The following KLHL1 variants were observed in gnomAD, a reference collection of about 807,000 sequenced individuals.
The protein encoded by KLHL1 is kelch-like protein 1.
Under a neutral mutation model 77.7 loss-of-function variants are expected in KLHL1, and 47 were observed. The ratio of observed to expected loss-of-function variants is 0.60; its 90% CI spans 0.48 to 0.77. KLHL1 has a LOEUF of 0.77. Among genes scored for constraint, KLHL1 ranks in the 30% least tolerant of loss-of-function variants. KLHL1 has a pLI of 0.00. For missense variants in KLHL1, 925 were observed against 910.8 expected (o/e 1.02, Z -0.20); for synonymous variants, 360 against 325.2 (o/e 1.11, Z -1.15).
At chr13:69,742,566 A>G (rs1874030939) in intron 7 of KLHL1, among the ~76,000 whole-genome samples, 1 of 152,202 alleles carries the variant, frequency 6.6e-6, no homozygotes, top group African/African-American at 2.4e-5. Flanking sequence ...CTCTGCCCAC[A>G]GTGAGCTCCT....
At chr13:69,882,224 T>C in intron 5 of KLHL1, 59 bp downstream of exon 5, 1 of 1,197,270 alleles carries the variant, frequency 8.4e-7, no homozygotes, top group East Asian at 2.4e-5. Flanking sequence ...TGATGTTTAC[T>C]TTTAATATAG....
intron 5 of KLHL1, among the ~76,000 whole-genome samples, chr13:69,870,936 C>T (rs145957986): frequency 1.6e-4 from 25 of 152,180 alleles, no homozygotes; most frequent in African/African-American, 5.5e-4. Context: ...GCAACTCTTC[C>T]AGGCTGAGGT....
At chr13:69,784,016 T>A (rs1009453419) in intron 7 of KLHL1, among the ~76,000 whole-genome samples, 2 of 152,162 alleles carry the variant, frequency 1.3e-5, no homozygotes, top group African/African-American at 4.8e-5. Context: ...CAGAAGAGAC[T>A]GGGGGCCAAA....
intron 6 of KLHL1, among the ~76,000 whole-genome samples, chr13:69,820,771 C>T (rs1046824892): frequency 2.6e-5 from 4 of 152,150 alleles, no homozygotes; most frequent in Admixed American, 6.6e-5. Context: ...GGAGGTTGCC[C>T]GTGCTGTGAC....
At chr13:69,860,408 G>C (rs1179971741) in intron 5 of KLHL1, among the ~76,000 whole-genome samples, 2 of 151,850 alleles carry the variant, frequency 1.3e-5, no homozygotes, top group East Asian at 1.9e-4. Flanking sequence ...TAAGATAGTT[G>C]CCTCTTTTTT....
intron 1 of KLHL1, among the ~76,000 whole-genome samples, chr13:70,017,104 C>T (rs1206647910): frequency 6.6e-6 from 1 of 152,202 alleles, no homozygotes; most frequent in Non-Finnish European, 1.5e-5. Context: ...TGCTCACCCT[C>T]CAGTTTTCTG....
intron 1 of KLHL1, among the ~76,000 whole-genome samples, chr13:70,000,967 T>A (rs912024086): frequency 2.0e-5 from 3 of 149,708 alleles, no homozygotes; most frequent in East Asian, 3.9e-4. Context: ...ATTAATAAGA[T>A]CAATGATGAC....
intron 4 of KLHL1, among the ~76,000 whole-genome samples, chr13:69,893,361 A>T (rs900689349): frequency 1.1e-4 from 16 of 151,142 alleles, no homozygotes; most frequent in African/African-American, 3.9e-4. Context: ...CAGCCTCCCG[A>T]GTAGCTGGGA....
At chr13:69,938,103 T>C (rs778764123) in intron 4 of KLHL1, among the ~76,000 whole-genome samples, 3 of 152,048 alleles carry the variant, frequency 2.0e-5, no homozygotes, top group Non-Finnish European at 4.4e-5. Flanking sequence ...ATATGCCTGA[T>C]TGGACAAGGA....
intron 1 of KLHL1, among the ~76,000 whole-genome samples, chr13:70,010,911 T>TAATAATAATAA (rs149915176): frequency 2.0e-5 from 3 of 147,628 alleles, no homozygotes; most frequent in Non-Finnish European, 4.5e-5. Context: ...ATAATAATAA[T>TAATAATAATAA]AATAAAATAA....
At chr13:69,837,269 G>A (rs960011073) in intron 6 of KLHL1, among the ~76,000 whole-genome samples, 5 of 151,434 alleles carry the variant, frequency 3.3e-5, no homozygotes, top group Non-Finnish European at 5.9e-5. Context: ...TGCTAATGGT[G>A]GCATTATTTA....
At chr13:69,960,357 C>T (rs1884027088) in intron 3 of KLHL1, among the ~76,000 whole-genome samples, 1 of 151,986 alleles carries the variant, frequency 6.6e-6, no homozygotes, top group South Asian at 2.1e-4. Context: ...ACCTGCCTTT[C>T]TTCGTCTCAC....
chr13:69,749,040 A>AT (rs1299412328), intron 7 of KLHL1, among the ~76,000 whole-genome samples: 7 of 152,016 alleles, frequency 4.6e-5, no homozygotes, highest in Non-Finnish European at 2.9e-5. Flanking sequence ...AAAGGAATAT[A>AT]TTTTTGTAGA....
intron 4 of KLHL1, among the ~76,000 whole-genome samples, chr13:69,936,453 G>A (rs1218112251): frequency 6.6e-6 from 1 of 151,980 alleles, no homozygotes; most frequent in Non-Finnish European, 1.5e-5. Context: ...GCCAGGTGTG[G>A]TGACAGGTGC....
intron 7 of KLHL1, among the ~76,000 whole-genome samples, chr13:69,793,229 A>G (rs1876947654): frequency 1.3e-5 from 2 of 152,116 alleles, no homozygotes; most frequent in African/African-American, 4.8e-5. Context: ...ATAAAATATT[A>G]TGAAAAAAGA....
intron 7 of KLHL1, among the ~76,000 whole-genome samples, chr13:69,763,480 T>A (rs1339034023): frequency 6.6e-6 from 1 of 152,232 alleles, no homozygotes; most frequent in East Asian, 1.9e-4. Flanking sequence ...AAGTTGTTAA[T>A]GTTTACATGT....
chr13:69,934,855 T>C (rs1883117366), intron 4 of KLHL1, among the ~76,000 whole-genome samples: 1 of 151,450 alleles, frequency 6.6e-6, no homozygotes. Flanking sequence ...TTTTTTACAA[T>C]TCATATAAAC....
intron 4 of KLHL1, among the ~76,000 whole-genome samples, chr13:69,921,907 T>C (rs907643461): frequency 6.6e-6 from 1 of 150,830 alleles, no homozygotes; most frequent in African/African-American, 2.4e-5. Flanking sequence ...TTATAGATTT[T>C]TGTTGAATGA....
At chr13:69,829,302 C>T (rs1878669546) in intron 6 of KLHL1, among the ~76,000 whole-genome samples, 1 of 149,946 alleles carries the variant, frequency 6.7e-6, no homozygotes, top group South Asian at 2.1e-4. Flanking sequence ...CCCCAGAGTA[C>T]AGTAGCTCTG....
Sources: allele counts gnomAD v4.1 joint callset (sites outside exome capture counted in the v4.1 genomes callset), GRCh38; gene constraint gnomAD v4.1.1; transcripts MANE v1.5; gene names NCBI Gene and HGNC (gene_info 2026-07-23, HGNC 2026-07-21).